The following RIMS2 variants were observed in gnomAD, a reference collection of about 807,000 sequenced individuals.
RIMS2 encodes regulating synaptic membrane exocytosis 2.
Under a neutral mutation model 174.4 loss-of-function variants are expected in RIMS2, and 59 were observed. The ratio of observed to expected loss-of-function variants is 0.34; its 90% CI spans 0.27 to 0.42. The LOEUF is 0.42. Among genes scored for constraint, RIMS2 ranks in the 10% least tolerant of loss-of-function variants. The pLI is 1.00. For synonymous variants in RIMS2, 606 were observed against 572.5 expected (o/e 1.06, Z -0.84); for missense variants, 1,620 against 1,666.3 (o/e 0.97, Z 0.48).
At chr8:103,781,733 C>T (rs1228163942) in intron 3 of RIMS2, among the ~76,000 whole-genome samples, 10 of 133,710 alleles carry the variant, frequency 7.5e-5, no homozygotes, top group African/African-American at 2.8e-4. Context: ...ATTATCTCCC[C>T]TAATCTTTTT....
intron 1 of RIMS2, among the ~76,000 whole-genome samples, chr8:103,612,982 C>T (rs923894346): frequency 2.0e-5 from 3 of 152,178 alleles, no homozygotes; most frequent in Non-Finnish European, 2.9e-5. Context: ...GCTACGACCA[C>T]TGATACTGCT....
intron 2 of RIMS2, among the ~76,000 whole-genome samples, chr8:103,727,267 C>T (rs1209432264): frequency 2.0e-5 from 3 of 151,960 alleles, no homozygotes; most frequent in South Asian, 2.1e-4. Context: ...ATTTATTTCT[C>T]GTTTAATTGC....
intron 13 of RIMS2, among the ~76,000 whole-genome samples, chr8:103,940,321 C>G (rs1428359085): frequency 6.6e-6 from 1 of 152,106 alleles, no homozygotes; most frequent in Non-Finnish European, 1.5e-5. Flanking sequence ...TGCAGGAGAA[C>G]TCCTCTATAA....
At chr8:104,000,159 A>T (rs550936189) in intron 17 of RIMS2, among the ~76,000 whole-genome samples, 71 of 151,590 alleles carry the variant, frequency 4.7e-4, no homozygotes, top group African/African-American at 1.7e-3. Context: ...TTGTTTTTTT[A>T]AAAAATATTT....
exon 2 of RIMS2, chr8:103,697,292 A>G (rs756732196): frequency 6.2e-7 from 1 of 1,610,672 alleles, no homozygotes; most frequent in Non-Finnish European, 8.5e-7. Context: ...TTACGCTCAA[A>G]CAAGGTACAG....
intron 19 of RIMS2, among the ~76,000 whole-genome samples, chr8:104,201,818 C>T (rs2099056337): frequency 6.6e-6 from 1 of 152,002 alleles, no homozygotes; most frequent in Admixed American, 6.5e-5. Flanking sequence ...ATTTAGGATG[C>T]TAATGTAGAA....
At chr8:103,762,555 CA>C (rs2098123446) in intron 2 of RIMS2, among the ~76,000 whole-genome samples, 1 of 152,138 alleles carries the variant, frequency 6.6e-6, no homozygotes, top group Admixed American at 6.5e-5. Flanking sequence ...AAAATCATTT[CA>C]CAACATATAT....
At chr8:103,516,880 A>G (rs1563606879) in intron 1 of RIMS2, among the ~76,000 whole-genome samples, 1 of 152,162 alleles carries the variant, frequency 6.6e-6, no homozygotes, top group Non-Finnish European at 1.5e-5. Flanking sequence ...CTCTAAAAGA[A>G]TTTAAAAAAT....
At chr8:103,880,491 G>C (rs2099161931) in intron 3 of RIMS2, 4 of 377,646 alleles carry the variant, frequency 1.1e-5, no homozygotes, top group Non-Finnish European at 1.9e-5. Flanking sequence ...TGTTGTTTTT[G>C]TGTAATTTTT....
At chr8:104,166,748 AT>A (rs1203919398) in intron 19 of RIMS2, among the ~76,000 whole-genome samples, 1 of 151,456 alleles carries the variant, frequency 6.6e-6, no homozygotes, top group African/African-American at 2.4e-5. Context: ...AAATATTTAT[AT>A]TTATATATAA....
chr8:103,824,213 A>G (rs1232950084), intron 3 of RIMS2, among the ~76,000 whole-genome samples: 1 of 152,108 alleles, frequency 6.6e-6, no homozygotes, highest in East Asian at 1.9e-4. Flanking sequence ...GCTTTTGGTG[A>G]TGACTGACAG....
chr8:104,156,399 G>T (rs1336459969), intron 19 of RIMS2, among the ~76,000 whole-genome samples: 1 of 152,138 alleles, frequency 6.6e-6, no homozygotes, highest in Non-Finnish European at 1.5e-5. Flanking sequence ...GGGACATTGG[G>T]AAATTTATAG....
At chr8:103,860,363 A>G (rs2099051852) in intron 3 of RIMS2, among the ~76,000 whole-genome samples, 1 of 152,124 alleles carries the variant, frequency 6.6e-6, no homozygotes, top group South Asian at 2.1e-4. Flanking sequence ...TGATATTGTA[A>G]TAGAACCTTC....
At chr8:104,033,330 T>A (rs1056911479) in intron 19 of RIMS2, among the ~76,000 whole-genome samples, 8 of 152,142 alleles carry the variant, frequency 5.3e-5, no homozygotes, top group African/African-American at 1.9e-4. Context: ...CAAAAATTAT[T>A]ACTGTAAACC....
At chr8:103,894,737 T>C (rs1306039216) in intron 4 of RIMS2, among the ~76,000 whole-genome samples, 1 of 151,612 alleles carries the variant, frequency 6.6e-6, no homozygotes, top group Non-Finnish European at 1.5e-5. Context: ...TATTATTTTA[T>C]ATTTTAAGTT....
At chr8:103,589,997 T>C (rs2094167932) in intron 1 of RIMS2, among the ~76,000 whole-genome samples, 2 of 151,246 alleles carry the variant, frequency 1.3e-5, no homozygotes, top group Admixed American at 1.3e-4. Context: ...ATAGAAATAA[T>C]GAATAAGATC....
chr8:103,924,318 C>T (rs13259052), intron 10 of RIMS2, among the ~76,000 whole-genome samples: 29,816 of 151,516 alleles, frequency 0.2, 3,585 homozygotes, highest in Middle Eastern at 0.36. Flanking sequence ...ACTGCAAATA[C>T]AAGTTTTTAC....
intron 17 of RIMS2, among the ~76,000 whole-genome samples, chr8:104,000,972 G>C: frequency 6.6e-6 from 1 of 151,774 alleles, no homozygotes; most frequent in East Asian, 1.9e-4. Context: ...TTAATCCCTT[G>C]TTGGAAGAAT....
chr8:103,960,356 G>A (rs1269233353), intron 14 of RIMS2, among the ~76,000 whole-genome samples: 1 of 152,056 alleles, frequency 6.6e-6, no homozygotes, highest in Non-Finnish European at 1.5e-5. Context: ...ACACAAACAT[G>A]GTGCTCTTGA....
Sources: allele counts gnomAD v4.1 joint callset (sites outside exome capture counted in the v4.1 genomes callset), GRCh38; gene constraint gnomAD v4.1.1; transcripts MANE v1.5; gene names NCBI Gene and HGNC (gene_info 2026-07-23, HGNC 2026-07-21).